SGCZ: variants seen among roughly 807,000 people sequenced by gnomAD.
SGCZ encodes zeta-sarcoglycan.
SGCZ carries 40 observed loss-of-function variants against 41.3 expected under a neutral mutation model. That is an observed-to-expected ratio of 0.97 (90% CI 0.75 to 1.26). The LOEUF (loss-of-function observed/expected upper bound fraction) is 1.26. Among genes scored for constraint, SGCZ ranks in the 50% most tolerant of loss-of-function variants. The pLI is 0.00. For synonymous variants in SGCZ, 206 were observed against 137.5 expected, an observed-to-expected ratio of 1.50 and a Z score of -3.49; for missense variants, 552 against 369.8, an observed-to-expected ratio of 1.49 and a Z score of -4.04.
chr8:14,497,819 A>T (rs1166122059), intron 2 of SGCZ, among the ~76,000 whole-genome samples: 1 of 152,104 alleles, frequency 6.6e-6, no homozygotes. Flanking sequence ...CACACATTCA[A>T]ACTATATCAG....
At chr8:14,101,483 C>T (rs1802018595) in intron 7 of SGCZ, among the ~76,000 whole-genome samples, 1 of 152,096 alleles carries the variant, frequency 6.6e-6, no homozygotes, top group African/African-American at 2.4e-5. Flanking sequence ...ATACTTATCA[C>T]TTTATAGTGG....
chr8:14,275,573 A>G (rs1159666366), intron 3 of SGCZ, among the ~76,000 whole-genome samples: 1 of 151,998 alleles, frequency 6.6e-6, no homozygotes, highest in Non-Finnish European at 1.5e-5. Context: ...GGTTTAGGGG[A>G]AACATAAAAG....
chr8:15,117,209 A>T (rs1184698104), intron 1 of SGCZ, among the ~76,000 whole-genome samples: 1 of 152,122 alleles, frequency 6.6e-6, no homozygotes, highest in Non-Finnish European at 1.5e-5. Context: ...AATACAAAAA[A>T]TTAGCTGGGC....
At position 14,549,162 on chromosome 8, in the gene SGCZ, T is replaced by C. The variant is rs554774991; in HGVS notation, c.234+5570A>G. On this transcript the variant is annotated intron_variant, in intron 2 of 7. Transcript: ENST00000382080. ...AGTAAAATTCAAGTTTGTGTGTGTG[T>C]GTGTGTCTAAAAAAGAAAAGACAGG... 7.2e-5 allele frequency among the ~76,000 whole-genome samples: 11 copies of C among 152,112 alleles called. No homozygotes were observed. The South Asian group carries it at 1.2e-3, about 17-fold the overall frequency.
intron 4 of SGCZ, among the ~76,000 whole-genome samples, chr8:14,185,156 C>T (rs576814032): frequency 6.6e-6 from 1 of 152,218 alleles, no homozygotes; most frequent in South Asian, 2.1e-4. Context: ...AATCCCAGCA[C>T]TTTGGGAGGC....
At chr8:14,120,373 G>A (rs1360392586) in intron 5 of SGCZ, among the ~76,000 whole-genome samples, 1 of 152,128 alleles carries the variant, frequency 6.6e-6, no homozygotes, top group Non-Finnish European at 1.5e-5. Flanking sequence ...TTCTCCACCT[G>A]AAGTTGTCAG....
chr8:14,229,173 C>G (rs6530735), intron 4 of SGCZ, among the ~76,000 whole-genome samples: 145,666 of 152,230 alleles, frequency 0.96, 69,784 homozygotes, highest in East Asian at 1. Flanking sequence ...AAATAATTGT[C>G]AATTTAATTA....
At chr8:14,499,599 T>A (rs923373490) in intron 2 of SGCZ, among the ~76,000 whole-genome samples, 4 of 152,098 alleles carry the variant, frequency 2.6e-5, no homozygotes, top group African/African-American at 4.8e-5. Flanking sequence ...CTAGGCAGCC[T>A]TCCTCCTTTC....
chr8:14,410,799 C>T (rs1799339696), intron 2 of SGCZ, among the ~76,000 whole-genome samples: 1 of 151,982 alleles, frequency 6.6e-6, no homozygotes, highest in Admixed American at 6.6e-5. Flanking sequence ...ATGAAACGAA[C>T]AAAAATAGGA....
intron 2 of SGCZ, among the ~76,000 whole-genome samples, chr8:14,472,913 C>G (rs1281465953): frequency 6.6e-6 from 1 of 152,150 alleles, no homozygotes; most frequent in African/African-American, 2.4e-5. Flanking sequence ...TCACCCTAAA[C>G]CACAAAAGTT....
chr8:14,828,690 A>T (rs889219878), intron 1 of SGCZ, among the ~76,000 whole-genome samples: 7 of 152,200 alleles, frequency 4.6e-5, no homozygotes, highest in Non-Finnish European at 8.8e-5. Flanking sequence ...GTTGTTTGGG[A>T]TGCTCAAGGC....
At chr8:14,511,289 T>C (rs1585613776) in intron 2 of SGCZ, among the ~76,000 whole-genome samples, 1 of 152,176 alleles carries the variant, frequency 6.6e-6, no homozygotes, top group East Asian at 1.9e-4. Flanking sequence ...ATAAAAATTG[T>C]CTTTTTTTAA....
intron 6 of SGCZ, among the ~76,000 whole-genome samples, chr8:14,104,613 A>T (rs1013802604): frequency 6.6e-6 from 1 of 152,164 alleles, no homozygotes; most frequent in Non-Finnish European, 1.5e-5. Context: ...ACCCTACTTT[A>T]TCATTATGTT....
intron 1 of SGCZ, among the ~76,000 whole-genome samples, chr8:15,054,662 C>T (rs1319455851): frequency 6.6e-6 from 1 of 151,988 alleles, no homozygotes; most frequent in Non-Finnish European, 1.5e-5. Flanking sequence ...TTCTTTAAGA[C>T]TCAATTTTGT....
intron 1 of SGCZ, among the ~76,000 whole-genome samples, chr8:14,580,549 T>A (rs1313884972): frequency 2.0e-5 from 3 of 152,022 alleles, no homozygotes; most frequent in Non-Finnish European, 4.4e-5. Flanking sequence ...AACAAACAAA[T>A]AAATTGTAAT....
At chr8:14,512,099 C>T (rs1246957748) in intron 2 of SGCZ, among the ~76,000 whole-genome samples, 2 of 152,182 alleles carry the variant, frequency 1.3e-5, no homozygotes, top group East Asian at 3.9e-4. Context: ...AAAACTAAAA[C>T]TTAGCCCTAT....
At chr8:14,741,158 G>T (rs1799187898) in intron 1 of SGCZ, among the ~76,000 whole-genome samples, 1 of 151,968 alleles carries the variant, frequency 6.6e-6, no homozygotes, top group Admixed American at 6.6e-5. Flanking sequence ...ATGAAGGACG[G>T]TTGATTCTTA....
At chr8:15,136,650 T>A (rs551240758) in intron 1 of SGCZ, among the ~76,000 whole-genome samples, 3 of 152,134 alleles carry the variant, frequency 2.0e-5, no homozygotes, top group Non-Finnish European at 2.9e-5. Context: ...CTTTTATTAG[T>A]GTCTGGTATT....
chr8:14,946,729 G>A (rs1205893938), intron 1 of SGCZ, among the ~76,000 whole-genome samples: 1 of 147,326 alleles, frequency 6.8e-6, no homozygotes, highest in African/African-American at 2.5e-5. Context: ...AGGCTGGAGT[G>A]CAGCAGAACA....
Sources: allele counts gnomAD v4.1 joint callset (sites outside exome capture counted in the v4.1 genomes callset), GRCh38; gene constraint gnomAD v4.1.1; transcripts MANE v1.5; gene names NCBI Gene and HGNC (gene_info 2026-07-23, HGNC 2026-07-21).